Variants in NAV2 observed in about 807,000 individuals in gnomAD.
NAV2 encodes the protein neuron navigator 2.
NAV2 carries 54 observed loss-of-function variants against 223.2 expected under a neutral mutation model. The observed-to-expected ratio is 0.24, with a 90% CI of 0.19 to 0.30. The LOEUF is 0.30. Ranked by LOEUF, NAV2 falls within the 10% of genes least tolerant of loss-of-function variation. The probability of loss-of-function intolerance (pLI) is 1.00; values close to 1 mark genes in which losing one functional copy is unlikely to be tolerated. For missense variants in NAV2, 2,806 were observed against 3,147.5 expected (o/e 0.89, Z 2.60); for synonymous variants, 1,279 against 1,239.3 (o/e 1.03, Z -0.67).
intron 1 of NAV2, among the ~76,000 whole-genome samples, chr11:19,428,790 T>C (rs1284655055): frequency 6.6e-6 from 1 of 152,222 alleles, no homozygotes; most frequent in Non-Finnish European, 1.5e-5. Flanking sequence ...GACTGACTGT[T>C]AACTTGTGAA....
chr11:19,818,241 T>TTA (rs1486511394), intron 1 of NAV2, among the ~76,000 whole-genome samples: 2 of 132,708 alleles, frequency 1.5e-5, no homozygotes, highest in African/African-American at 5.8e-5. Flanking sequence ...ATTTTTTTTT[T>TTA]TTTTTTTTTT....
intron 6 of NAV2, among the ~76,000 whole-genome samples, chr11:19,932,683 T>C (rs897543132): frequency 6.6e-6 from 1 of 152,220 alleles, no homozygotes; most frequent in Non-Finnish European, 1.5e-5. Flanking sequence ...CTTTAACAAC[T>C]TTTGTGTGTA....
At chr11:19,521,858 G>T (rs56179522) in intron 1 of NAV2, among the ~76,000 whole-genome samples, 1 of 152,158 alleles carries the variant, frequency 6.6e-6, no homozygotes, top group African/African-American at 2.4e-5. Flanking sequence ...TTTCTCTTTG[G>T]CCACTATCAT....
intron 11 of NAV2, among the ~76,000 whole-genome samples, chr11:20,014,072 G>A (rs1055233633): frequency 6.6e-6 from 1 of 152,216 alleles, no homozygotes; most frequent in African/African-American, 2.4e-5. Context: ...GGTGAAGGAA[G>A]TGGAGTGAGA....
At chr11:19,962,036 G>C (rs1055302795) in intron 10 of NAV2, among the ~76,000 whole-genome samples, 2 of 151,724 alleles carry the variant, frequency 1.3e-5, no homozygotes, top group African/African-American at 2.4e-5. Context: ...ATCTTCAGAT[G>C]CCCTCGTTGC....
At chr11:20,043,828 C>A in intron 12 of NAV2, 153 bp from the exon 13 acceptor site, 13 of 592,634 alleles carry the variant, frequency 2.2e-5, no homozygotes, top group South Asian at 8.9e-5. Context: ...GTCTTTCTAA[C>A]AAGATAACCA....
chr11:20,079,393 A>C (rs1259098821), intron 24 of NAV2, among the ~76,000 whole-genome samples: 1 of 152,156 alleles, frequency 6.6e-6, no homozygotes, highest in African/African-American at 2.4e-5. Context: ...TGGGGCTAGA[A>C]CCTGATGAGT....
chr11:19,438,428 A>G (rs936770984), intron 1 of NAV2, among the ~76,000 whole-genome samples: 3 of 152,180 alleles, frequency 2.0e-5, no homozygotes, highest in Admixed American at 6.5e-5. Context: ...ATCCTGGGGA[A>G]CTTATTCTGT....
chr11:19,662,823 G>A (rs2048322421), intron 1 of NAV2, among the ~76,000 whole-genome samples: 2 of 152,206 alleles, frequency 1.3e-5, no homozygotes, highest in Admixed American at 1.3e-4. Flanking sequence ...CTTTTCCTGG[G>A]CTGCACGCCC....
intron 1 of NAV2, among the ~76,000 whole-genome samples, chr11:19,473,688 A>G (rs909002631): frequency 6.6e-6 from 1 of 152,170 alleles, no homozygotes; most frequent in Non-Finnish European, 1.5e-5. Flanking sequence ...AAGTGGGTGC[A>G]TGGGATGCTG....
intron 1 of NAV2, among the ~76,000 whole-genome samples, chr11:19,390,021 C>G (rs536287563): frequency 6.6e-6 from 1 of 152,338 alleles, no homozygotes; most frequent in African/African-American, 2.4e-5. Flanking sequence ...GTTTTGTAAT[C>G]TGCCCCATTT....
At chr11:19,776,608 G>GTGTGT (rs139486266) in intron 1 of NAV2, among the ~76,000 whole-genome samples, 2 of 106,096 alleles carry the variant, frequency 1.9e-5, no homozygotes, top group African/African-American at 6.6e-5. Flanking sequence ...GTGTGTGTGT[G>GTGTGT]GTTAGAGTTG....
chr11:19,686,439 C>T (rs539848700), intron 1 of NAV2, among the ~76,000 whole-genome samples: 51 of 152,288 alleles, frequency 3.3e-4, no homozygotes, highest in Non-Finnish European at 5.6e-4. Context: ...CCTCAATCCG[C>T]CCATTGTGTG....
intron 1 of NAV2, among the ~76,000 whole-genome samples, chr11:19,647,150 C>T (rs1294068115): frequency 1.3e-5 from 2 of 152,138 alleles, no homozygotes; most frequent in Non-Finnish European, 2.9e-5. Flanking sequence ...GGCGAGCTGC[C>T]CTCAGCACTT....
intron 11 of NAV2, among the ~76,000 whole-genome samples, chr11:20,017,775 A>G (rs1227813531): frequency 6.6e-6 from 1 of 152,224 alleles, no homozygotes; most frequent in African/African-American, 2.4e-5. Context: ...CTGTACTTCA[A>G]AATCTTTGCT....
chr11:19,651,260 G>A (rs1485611536), intron 1 of NAV2, among the ~76,000 whole-genome samples: 1 of 152,170 alleles, frequency 6.6e-6, no homozygotes, highest in African/African-American at 2.4e-5. Flanking sequence ...AATCTCCAGG[G>A]AGAACGTCTT....
At chr11:19,753,178 G>A (rs764007551) in intron 1 of NAV2, among the ~76,000 whole-genome samples, 12 of 152,122 alleles carry the variant, frequency 7.9e-5, no homozygotes, top group Non-Finnish European at 1.2e-4. Context: ...ACGGTATTCT[G>A]TTATAGCAGT....
chr11:19,884,187 AG>A (rs2063389137), intron 5 of NAV2: 2 of 772,780 alleles, frequency 2.6e-6, no homozygotes, highest in African/African-American at 3.5e-5. Flanking sequence ...AGGGGGGGAA[AG>A]AAACAGCAAC....
rs769875329 is a variant in NAV2, at chr11:19,974,524, G to A, written c.2646-9601G>A. Among the ~76,000 whole-genome samples the A allele has an allele frequency of 5.3e-5, 8 of 152,178 alleles. 1 individual carries two copies. The highest frequency in any genetic ancestry group is 7.3e-5 in the Non-Finnish European group (5 of 68,042). ...TAATAGCCCAGGAGCAGTGGCTCAC[G>A]CCTGTAATCCCAACACTTTGGAGGC... On this transcript the variant is annotated intron_variant, in intron 10 of 37. Coordinates refer to ENST00000349880, the MANE Select transcript of NAV2 (RefSeq NM_145117.5).
Sources: allele counts gnomAD v4.1 joint callset (sites outside exome capture counted in the v4.1 genomes callset), GRCh38; gene constraint gnomAD v4.1.1; transcripts MANE v1.5; gene names NCBI Gene and HGNC (gene_info 2026-07-23, HGNC 2026-07-21).